PHLDB2: variants seen among roughly 807,000 people sequenced by gnomAD.
PHLDB2 encodes the protein pleckstrin homology like domain family B member 2.
PHLDB2 carries 71 observed loss-of-function variants against 123.6 expected under a neutral mutation model. That is an observed-to-expected ratio of 0.57 (90% CI 0.47 to 0.70). PHLDB2 has a LOEUF of 0.70. Among genes scored for constraint, PHLDB2 ranks in the 30% least tolerant of loss-of-function variants. PHLDB2 has a pLI of 0.00. For missense variants in PHLDB2, 1,446 were observed against 1,519.5 expected, an observed-to-expected ratio of 0.95 and a Z score of 0.80; for synonymous variants, 547 against 541.6, an observed-to-expected ratio of 1.01 and a Z score of -0.14.
intron 1 of PHLDB2, among the ~76,000 whole-genome samples, chr3:111,745,596 CA>C (rs1195977416): frequency 1.3e-5 from 2 of 152,114 alleles, no homozygotes; most frequent in Non-Finnish European, 2.9e-5. Flanking sequence ...ACCGTCTCTA[CA>C]AAAAATTTTT....
intron 9 of PHLDB2, among the ~76,000 whole-genome samples, chr3:111,947,960 G>A (rs1387059161): frequency 2.6e-5 from 4 of 152,198 alleles, no homozygotes; most frequent in African/African-American, 9.6e-5. Context: ...TAAAAGAGAG[G>A]TGTTATTTTA....
chr3:111,779,315 T>G (rs1448646401), intron 1 of PHLDB2, among the ~76,000 whole-genome samples: 1 of 152,012 alleles, frequency 6.6e-6, no homozygotes, highest in African/African-American at 2.4e-5. Context: ...GGATATATTG[T>G]GTGATACTGA....
chr3:111,883,263 A>G (rs576677914), intron 1 of PHLDB2, among the ~76,000 whole-genome samples: 4 of 152,330 alleles, frequency 2.6e-5, no homozygotes, highest in Non-Finnish European at 4.4e-5. Context: ...TTTTCTTAAA[A>G]ATTTTAATGG....
At chr3:111,879,155 A>G (rs1420897073) in intron 1 of PHLDB2, among the ~76,000 whole-genome samples, 2 of 152,120 alleles carry the variant, frequency 1.3e-5, no homozygotes, top group Non-Finnish European at 2.9e-5. Flanking sequence ...ACCTCTGGTA[A>G]CATTCAGCTG....
At position 111,913,602 on chromosome 3, in the gene PHLDB2, A is replaced by C; in HGVS notation, c.1619A>C (p.Asn540Thr). 6.2e-7 allele frequency: 1 copy of C among 1,614,164 alleles called. No homozygotes were observed. Among genetic ancestry groups the C allele is most frequent in the Non-Finnish European group, 8.5e-7 (1 of 1,180,026 alleles). ...TTCTTTACCCCCAGGAGCACCAGGA[A>C]TGATGAACTACTCAGTGACCTCACC... ...ASFFTPRSTRNDELLSDLTRT... is the reference protein window; with the variant it reads ...ASFFTPRSTRTDELLSDLTRT... The change falls in exon 3 of 18, where the codon AAT becomes ACT. Residue 540 changes from asparagine (N) to threonine (T), a missense_variant. Physicochemically the swap from Asn to Thr is moderately conservative, Grantham distance 65. Transcript: ENST00000431670.
intron 1 of PHLDB2, among the ~76,000 whole-genome samples, chr3:111,840,742 A>T (rs184581510): frequency 6.6e-6 from 1 of 152,306 alleles, no homozygotes; most frequent in African/African-American, 2.4e-5. Context: ...TATCAATTAG[A>T]CGAACCTACT....
intron 12 of PHLDB2, chr3:111,957,248 A>C (rs1340109272): frequency 6.5e-6 from 1 of 152,682 alleles, no homozygotes; most frequent in African/African-American, 2.4e-5. Flanking sequence ...AAGTCCAAGA[A>C]AGGTATGACA....
chr3:111,749,727 G>A (rs1407795807), intron 1 of PHLDB2, among the ~76,000 whole-genome samples: 2 of 152,084 alleles, frequency 1.3e-5, no homozygotes, highest in East Asian at 1.9e-4. Context: ...TAATTTTAAT[G>A]GCCCAAATGA....
chr3:111,850,325 T>C (rs2064195947), intron 2 of PHLDB2, among the ~76,000 whole-genome samples: 2 of 152,114 alleles, frequency 1.3e-5, no homozygotes. Context: ...GGGCTAGGGA[T>C]AAAAAACTGC....
At chr3:111,803,948 T>C (rs763657626) in intron 1 of PHLDB2, among the ~76,000 whole-genome samples, 4 of 152,256 alleles carry the variant, frequency 2.6e-5, no homozygotes, top group Admixed American at 6.5e-5. Flanking sequence ...CAAATTCATG[T>C]AATCAGTTGA....
intron 2 of PHLDB2, chr3:111,845,951 T>A (rs2063962959): frequency 6.2e-7 from 1 of 1,607,178 alleles, no homozygotes. Context: ...AACTTTATTG[T>A]CAGAGGTTTT....
rs183326213 is a variant in PHLDB2 at position 111,862,958 on chromosome 3, A to G, written c.-15+3382A>G. On this transcript the variant is annotated intron_variant, in intron 1 of 17. Coordinates refer to ENST00000431670, the MANE Select transcript of PHLDB2 (RefSeq NM_001134438.2). ...GCGGGCAGACAAAGTTCTAGGTACA[A>G]CCCAGGAGTTAAAAATTTTAAAATA... Among the ~76,000 whole-genome samples, 100 of 152,314 alleles carry G rather than the reference A, an allele frequency of 6.6e-4. 1 individual carries two copies. The South Asian group carries it at 1.0e-2, about 15-fold the overall frequency.
intron 2 of PHLDB2, among the ~76,000 whole-genome samples, chr3:111,897,020 A>C (rs2066910230): frequency 6.6e-6 from 1 of 152,234 alleles, no homozygotes; most frequent in South Asian, 2.1e-4. Context: ...TAGGATATTG[A>C]CATTGATACA....
intron 1 of PHLDB2, among the ~76,000 whole-genome samples, chr3:111,774,131 G>A (rs1029498283): frequency 6.6e-6 from 1 of 152,222 alleles, no homozygotes; most frequent in African/African-American, 2.4e-5. Flanking sequence ...GTAGGGAGGA[G>A]AAAGCCAGTG....
At chr3:111,759,314 T>C (rs2059955059) in intron 1 of PHLDB2, among the ~76,000 whole-genome samples, 1 of 152,228 alleles carries the variant, frequency 6.6e-6, no homozygotes, top group Non-Finnish European at 1.5e-5. Flanking sequence ...CTTCTCACTG[T>C]GTCCTCACAT....
At chr3:111,908,199 C>G (rs1181264393) in intron 2 of PHLDB2, among the ~76,000 whole-genome samples, 1 of 152,126 alleles carries the variant, frequency 6.6e-6, no homozygotes, top group East Asian at 1.9e-4. Context: ...GACACTGCAG[C>G]TGAGTATGAC....
chr3:111,764,698 A>C (rs1311513293), intron 1 of PHLDB2, among the ~76,000 whole-genome samples: 1 of 152,206 alleles, frequency 6.6e-6, no homozygotes, highest in Non-Finnish European at 1.5e-5. Flanking sequence ...ATTCAATTCC[A>C]GGGGGCACTG....
chr3:111,895,857 A>ATCTATCT (rs1553746616), intron 2 of PHLDB2, among the ~76,000 whole-genome samples: 1,985 of 96,022 alleles, frequency 0.021, 40 homozygotes, highest in African/African-American at 0.047. Flanking sequence ...AAAAAAAAAA[A>ATCTATCT]ATCTATCTAT....
At chr3:111,954,185 A>G (rs1174329660) in intron 12 of PHLDB2, among the ~76,000 whole-genome samples, 156 bp downstream of exon 12, 1 of 152,140 alleles carries the variant, frequency 6.6e-6, no homozygotes, top group Non-Finnish European at 1.5e-5. Flanking sequence ...GGGATATATA[A>G]CTTTTCCTAT....
Sources: allele counts gnomAD v4.1 joint callset (sites outside exome capture counted in the v4.1 genomes callset), GRCh38; gene constraint gnomAD v4.1.1; transcripts MANE v1.5; gene names NCBI Gene and HGNC (gene_info 2026-07-23, HGNC 2026-07-21).